The following CAMK2D variants were observed in gnomAD, a reference collection of about 807,000 sequenced individuals.
The protein encoded by CAMK2D is calcium/calmodulin dependent protein kinase II delta.
A neutral mutation model predicts 84.0 loss-of-function variants in CAMK2D; 37 were observed. The observed-to-expected ratio is 0.44, with a 90% CI of 0.34 to 0.58. The LOEUF is 0.58. CAMK2D is among the 20% of genes least tolerant of loss of function. CAMK2D has a pLI of 0.02. For missense variants in CAMK2D, 448 were observed against 652.5 expected (o/e 0.69, Z 3.41); for synonymous variants, 202 against 212.5 (o/e 0.95, Z 0.43).
At chr4:113,589,457 T>C (rs2098849492) in intron 4 of CAMK2D, among the ~76,000 whole-genome samples, 1 of 152,154 alleles carries the variant, frequency 6.6e-6, no homozygotes, top group Non-Finnish European at 1.5e-5. Flanking sequence ...AGTAAGGCAG[T>C]ATGGCTGGAG....
At chr4:113,533,962 T>C (rs1198805713) in intron 7 of CAMK2D, among the ~76,000 whole-genome samples, 1 of 152,040 alleles carries the variant, frequency 6.6e-6, no homozygotes, top group Non-Finnish European at 1.5e-5. Context: ...TGTTGTTTCG[T>C]ATACATACTA....
chr4:113,588,914 A>G (rs1459955746), intron 4 of CAMK2D, among the ~76,000 whole-genome samples: 2 of 151,334 alleles, frequency 1.3e-5, no homozygotes, highest in African/African-American at 4.9e-5. Context: ...CAAGGAAGGA[A>G]TTAAGAAAAG....
intron 3 of CAMK2D, among the ~76,000 whole-genome samples, chr4:113,655,758 A>C (rs1181744007): frequency 6.6e-6 from 1 of 152,098 alleles, no homozygotes; most frequent in Non-Finnish European, 1.5e-5. Flanking sequence ...ACAATCAGAT[A>C]AGTCAGATCA....
chr4:113,701,225 G>A (rs962302180), intron 2 of CAMK2D, among the ~76,000 whole-genome samples: 1 of 152,146 alleles, frequency 6.6e-6, no homozygotes, highest in South Asian at 2.1e-4. Context: ...CATTTCAAAC[G>A]TAGACACTGT....
intron 8 of CAMK2D, among the ~76,000 whole-genome samples, chr4:113,524,773 G>T (rs2098404055): frequency 6.6e-6 from 1 of 152,172 alleles, no homozygotes; most frequent in African/African-American, 2.4e-5. Context: ...TTGTGTTTCA[G>T]AGTTTGAAAA....
intron 2 of CAMK2D, among the ~76,000 whole-genome samples, chr4:113,732,288 TA>T (rs1254476140): frequency 6.6e-6 from 1 of 152,092 alleles, no homozygotes; most frequent in Non-Finnish European, 1.5e-5. Flanking sequence ...TATGCCCAGC[TA>T]AGTTTTTATT....
chr4:113,518,135 T>C (rs1352246800), intron 8 of CAMK2D, among the ~76,000 whole-genome samples: 1 of 152,204 alleles, frequency 6.6e-6, no homozygotes, highest in Non-Finnish European at 1.5e-5. Context: ...TAAATAACCA[T>C]AGTCCCTGCA....
chr4:113,451,253 A>T lies in CAMK2D; in HGVS notation c.*3292T>A, dbSNP rs2097255807. ...TTTGGTGTCTCTCAGCCTTCTGCTG[A>T]GACATTTGAGTCCGAGTATATCCTC... On this transcript the variant is annotated 3_prime_UTR_variant, in exon 21 of 21. Transcript: ENST00000511664. The T allele has an allele frequency of 6.6e-6, 1 of 152,186 alleles. No homozygotes were observed. 9.4% of individuals were successfully genotyped at this position (152,186 alleles called of 1,614,324 possible).
chr4:113,677,504 T>TTA, intron 2 of CAMK2D: 1 of 862,618 alleles, frequency 1.2e-6, no homozygotes, highest in Non-Finnish European at 1.4e-6. Context: ...ACAACTTGGC[T>TTA]TACTTCCTTC....
chr4:113,464,301 TTACC>T (rs2097429922), intron 17 of CAMK2D, among the ~76,000 whole-genome samples: 1 of 152,240 alleles, frequency 6.6e-6, no homozygotes, highest in African/African-American at 2.4e-5. Flanking sequence ...TTCATGTTCT[TTACC>T]TATTTTTCTA....
At chr4:113,531,678 T>A (rs1282837273) in intron 7 of CAMK2D, among the ~76,000 whole-genome samples, 1 of 152,046 alleles carries the variant, frequency 6.6e-6, no homozygotes, top group Non-Finnish European at 1.5e-5. Context: ...AAGATATAAG[T>A]CGAAAATATA....
At chr4:113,549,236 C>T (rs1362770920) in intron 5 of CAMK2D, among the ~76,000 whole-genome samples, 1 of 152,146 alleles carries the variant, frequency 6.6e-6, no homozygotes, top group Non-Finnish European at 1.5e-5. Context: ...TTTACCATTT[C>T]GCCTTAGAAG....
chr4:113,466,732 C>T (rs936153849), intron 16 of CAMK2D, among the ~76,000 whole-genome samples: 6 of 152,318 alleles, frequency 3.9e-5, no homozygotes, highest in Middle Eastern at 3.4e-3. Flanking sequence ...CAAATCCTAT[C>T]TATTCAGTGA....
intron 2 of CAMK2D, among the ~76,000 whole-genome samples, chr4:113,713,492 A>C (rs1360735188): frequency 6.8e-6 from 1 of 148,074 alleles, no homozygotes; most frequent in East Asian, 1.9e-4. Context: ...ATTATATATA[A>C]TATGATAACA....
chr4:113,512,949 A>C (rs1479392475), intron 12 of CAMK2D, among the ~76,000 whole-genome samples: 1 of 152,254 alleles, frequency 6.6e-6, no homozygotes, highest in Non-Finnish European at 1.5e-5. Flanking sequence ...ATTCAAAGTT[A>C]TTACTTTATG....
intron 3 of CAMK2D, among the ~76,000 whole-genome samples, chr4:113,635,386 T>C (rs2099106155): frequency 6.6e-6 from 1 of 152,190 alleles, no homozygotes; most frequent in Admixed American, 6.5e-5. Flanking sequence ...GTGTGGGAAA[T>C]TGTACTGCAA....
intron 3 of CAMK2D, among the ~76,000 whole-genome samples, chr4:113,626,830 T>TA (rs1211938262): frequency 6.6e-6 from 1 of 152,012 alleles, no homozygotes; most frequent in African/African-American, 2.4e-5. Flanking sequence ...CACAATGTTT[T>TA]AAAAAAAACT....
chr4:113,470,143 T>A (rs112988298), intron 16 of CAMK2D, among the ~76,000 whole-genome samples: 1 of 150,336 alleles, frequency 6.7e-6, no homozygotes, highest in South Asian at 2.1e-4. Flanking sequence ...ATCTGGACTC[T>A]GCCCATCTCA....
intron 2 of CAMK2D, among the ~76,000 whole-genome samples, chr4:113,679,869 C>A (rs1366619138): frequency 1.3e-5 from 2 of 152,118 alleles, no homozygotes; most frequent in Non-Finnish European, 2.9e-5. Flanking sequence ...AGGCCTCTCA[C>A]AATGATTTAT....
Sources: allele counts gnomAD v4.1 joint callset (sites outside exome capture counted in the v4.1 genomes callset), GRCh38; gene constraint gnomAD v4.1.1; transcripts MANE v1.5; gene names NCBI Gene and HGNC (gene_info 2026-07-23, HGNC 2026-07-21).